ACBD6: variants seen among roughly 807,000 people sequenced by gnomAD.
The protein encoded by ACBD6 is acyl-CoA binding domain containing 6.
A neutral mutation model predicts 37.2 loss-of-function variants in ACBD6; 28 were observed. That is an observed-to-expected ratio of 0.75 (90% CI 0.56 to 1.03). ACBD6 has a LOEUF of 1.03. Among genes scored for constraint, ACBD6 ranks in the 50% least tolerant of loss-of-function variants. The pLI, the probability that ACBD6 is intolerant of heterozygous loss-of-function variation, is 0.00. For missense variants in ACBD6, 340 were observed against 337.4 expected (o/e 1.01, Z -0.06); for synonymous variants, 113 against 126.8 (o/e 0.89, Z 0.73).
chr1:180,350,547 A>G (rs1374235399), intron 6 of ACBD6, among the ~76,000 whole-genome samples: 1 of 152,136 alleles, frequency 6.6e-6, no homozygotes, highest in Non-Finnish European at 1.5e-5. Flanking sequence ...ACTGTTACTA[A>G]TCACTCTAAA....
chr1:180,279,232 G>GACTT (rs1292573000), intron 9 of ACBD6, among the ~76,000 whole-genome samples: 3 of 152,190 alleles, frequency 2.0e-5, no homozygotes, highest in African/African-American at 7.2e-5. Context: ...TCTGCCCCCA[G>GACTT]ACTTAGGAAA....
chr1:180,340,450 T>C (rs1400204216), intron 6 of ACBD6, among the ~76,000 whole-genome samples: 1 of 151,956 alleles, frequency 6.6e-6, no homozygotes, highest in Non-Finnish European at 1.5e-5. Context: ...ACATTTGAGA[T>C]CAAGTGGGTT....
intron 6 of ACBD6, among the ~76,000 whole-genome samples, chr1:180,370,677 T>C (rs552295156): frequency 1.6e-4 from 25 of 152,274 alleles, no homozygotes; most frequent in Non-Finnish European, 2.9e-4. Flanking sequence ...AACTATCGTG[T>C]GTGTGTGTTT....
intron 4 of ACBD6, among the ~76,000 whole-genome samples, chr1:180,425,046 A>C (rs1309533313): frequency 2.0e-5 from 3 of 152,184 alleles, no homozygotes; most frequent in Admixed American, 6.5e-5. Context: ...TGAGGTTCTC[A>C]TGGGCACTGG....
chr1:180,448,259 A>T (rs1400558346), intron 3 of ACBD6, among the ~76,000 whole-genome samples: 1 of 152,228 alleles, frequency 6.6e-6, no homozygotes, highest in Non-Finnish European at 1.5e-5. Flanking sequence ...CACCAATAAT[A>T]TAACTTCTGG....
chr1:180,346,572 G>C (rs1571389519), intron 6 of ACBD6, among the ~76,000 whole-genome samples: 1 of 152,130 alleles, frequency 6.6e-6, no homozygotes, highest in African/African-American at 2.4e-5. Flanking sequence ...CTAGGAATGA[G>C]GGCCTCAAGT....
intron 3 of ACBD6, among the ~76,000 whole-genome samples, chr1:180,453,459 T>G (rs1170065523): frequency 6.6e-6 from 1 of 152,206 alleles, no homozygotes; most frequent in Non-Finnish European, 1.5e-5. Context: ...GGGCAAAAGC[T>G]AGAAGCATTC....
intron 6 of ACBD6, among the ~76,000 whole-genome samples, chr1:180,353,984 C>CT (rs1225727517): frequency 2.0e-5 from 3 of 152,168 alleles, no homozygotes; most frequent in Non-Finnish European, 4.4e-5. Context: ...CTACCAAATG[C>CT]TTTCGTATGG....
intron 3 of ACBD6, among the ~76,000 whole-genome samples, chr1:180,466,200 A>G (rs954085684): frequency 1.2e-4 from 19 of 152,214 alleles, no homozygotes; most frequent in Admixed American, 6.5e-4. Flanking sequence ...TTTACTTCAG[A>G]TACTATTTTG....
chr1:180,333,567 T>C (rs569328159), intron 6 of ACBD6, among the ~76,000 whole-genome samples: 3 of 152,260 alleles, frequency 2.0e-5, no homozygotes, highest in South Asian at 4.1e-4. Flanking sequence ...ATTCAAGAAA[T>C]ACTGACAGCT....
At chr1:180,339,903 A>C (rs551879048) in intron 6 of ACBD6, among the ~76,000 whole-genome samples, 2 of 152,166 alleles carry the variant, frequency 1.3e-5, no homozygotes, top group South Asian at 4.1e-4. Flanking sequence ...TTGGGTATCA[A>C]CTTAAAATAA....
At chr1:180,390,522 T>C (rs957045718) in intron 6 of ACBD6, among the ~76,000 whole-genome samples, 1 of 152,180 alleles carries the variant, frequency 6.6e-6, no homozygotes, top group Non-Finnish European at 1.5e-5. Context: ...TAAAGTAGGT[T>C]TTCCCAATTC....
In ACBD6 at chr1:180,300,874, T is replaced by G. The variant is rs1650105073; in HGVS notation, c.695-12357A>C. Among the ~76,000 whole-genome samples the G allele has an allele frequency of 5.3e-5, 8 of 152,200 alleles. 1 individual carries two copies. The South Asian group carries it at 1.7e-3, about 31-fold the overall frequency. On this transcript the variant is annotated intron_variant, in intron 7 of 7. Coordinates refer to ENST00000367595, the MANE Select transcript of ACBD6 (RefSeq NM_032360.4). The stretch of plus-strand genomic sequence containing the variant: ...CAAGGTAACCAATAAGAAAAGATTT[T>G]CTTTAATTTGATTTCTATGAAAGAT...
At chr1:180,433,480 C>G (rs1393585564) in intron 3 of ACBD6, among the ~76,000 whole-genome samples, 1 of 152,088 alleles carries the variant, frequency 6.6e-6, no homozygotes, top group Non-Finnish European at 1.5e-5. Flanking sequence ...AGATCAGGAA[C>G]AAGGCAAGGA....
intron 3 of ACBD6, chr1:180,435,138 G>A: frequency 2.8e-6 from 2 of 721,068 alleles, no homozygotes; most frequent in Admixed American, 3.7e-5. Context: ...AATCAAGACA[G>A]GGTACAAGCA....
At chr1:180,332,134 T>G (rs1651510078) in intron 6 of ACBD6, among the ~76,000 whole-genome samples, 1 of 152,158 alleles carries the variant, frequency 6.6e-6, no homozygotes, top group South Asian at 2.1e-4. Context: ...CCCTACAGGT[T>G]TCAGAGGGAG....
At chr1:180,408,203 C>T (rs746896936) in intron 5 of ACBD6, among the ~76,000 whole-genome samples, 15 of 152,174 alleles carry the variant, frequency 9.9e-5, no homozygotes, top group Middle Eastern at 3.2e-3. Flanking sequence ...GACTGATACA[C>T]ACAAGTACAA....
At chr1:180,296,316 T>TAA (rs1187060423) in intron 7 of ACBD6, among the ~76,000 whole-genome samples, 1 of 152,160 alleles carries the variant, frequency 6.6e-6, no homozygotes, top group Non-Finnish European at 1.5e-5. Flanking sequence ...CTCCATAAAA[T>TAA]AAAAGTGCAA....
chr1:180,382,297 T>TA (rs1308662580), intron 6 of ACBD6, among the ~76,000 whole-genome samples: 1 of 151,372 alleles, frequency 6.6e-6, no homozygotes, highest in Non-Finnish European at 1.5e-5. Context: ...CAGAAGTTAA[T>TA]AAACCAATTG....
Sources: allele counts gnomAD v4.1 joint callset (sites outside exome capture counted in the v4.1 genomes callset), GRCh38; gene constraint gnomAD v4.1.1; transcripts MANE v1.5; gene names NCBI Gene and HGNC (gene_info 2026-07-23, HGNC 2026-07-21).